ATP8A2: variants seen among roughly 807,000 people sequenced by gnomAD.
ATP8A2 encodes ATPase phospholipid transporting 8A2.
A neutral mutation model predicts 165.6 loss-of-function variants in ATP8A2; 100 were observed. That is an observed-to-expected ratio of 0.60 (90% CI 0.51 to 0.71). The LOEUF is 0.71. ATP8A2 is among the 30% of genes least tolerant of loss of function. The probability of loss-of-function intolerance (pLI) is 0.00; values close to 1 mark genes in which losing one functional copy is unlikely to be tolerated. For synonymous variants in ATP8A2, 543 were observed against 548.8 expected (o/e 0.99, Z 0.15); for missense variants, 1,227 against 1,479.5 (o/e 0.83, Z 2.80).
Position 25,372,090 on chromosome 13 carries a change from G to C in ATP8A2, c.-123G>C, listed in dbSNP as rs894802076. ...CCCGGCACAGGCGCCGGCGGTCCCC[G>C]CCAGCTAGCAGCCCGGCGAGGCGCT... On this transcript the variant is annotated 5_prime_UTR_variant, in exon 1 of 37. Coordinates refer to ENST00000381655, the MANE Select transcript of ATP8A2 (RefSeq NM_016529.6). The surrounding 1 kb of genome is among the most constrained non-coding windows in gnomAD (Gnocchi z 4.8). 4.5e-4 allele frequency: 289 copies of C among 635,450 alleles called. 2 individuals are homozygous for C. In the East Asian group the frequency reaches 0.011, roughly 24 times the overall value. The allele number at this position is 635,450 out of a possible 1,614,324, so 39.4% of individuals were successfully genotyped here. A position where few individuals can be genotyped will look rare whatever the true frequency, so the allele number is the denominator to read the frequency against.
At chr13:25,469,202 C>A (rs1402812504) in intron 2 of ATP8A2, 81 bp downstream of exon 2, 7 of 1,520,580 alleles carry the variant, frequency 4.6e-6, no homozygotes, top group Non-Finnish European at 4.4e-6. Flanking sequence ...CGGGGCTTGG[C>A]CGCGCACCTG....
intron 25 of ATP8A2, among the ~76,000 whole-genome samples, chr13:25,740,200 T>C (rs2043878455): frequency 6.6e-6 from 1 of 150,830 alleles, no homozygotes; most frequent in Non-Finnish European, 1.5e-5. Flanking sequence ...TCCCAGCTTC[T>C]CAGGAGGCTG....
chr13:25,920,130 T>C (rs1002488208), intron 33 of ATP8A2, among the ~76,000 whole-genome samples: 1 of 152,188 alleles, frequency 6.6e-6, no homozygotes, highest in Non-Finnish European at 1.5e-5. Flanking sequence ...TTAAAAACCC[T>C]TCTTCAGATT....
intron 24 of ATP8A2, among the ~76,000 whole-genome samples, chr13:25,599,020 A>T (rs2040310377): frequency 6.6e-6 from 1 of 150,484 alleles, no homozygotes; most frequent in Non-Finnish European, 1.5e-5. Context: ...CCAATCATGC[A>T]TGAGCCCTGG....
intron 25 of ATP8A2, among the ~76,000 whole-genome samples, chr13:25,757,855 C>T (rs919578271): frequency 1.3e-5 from 2 of 152,110 alleles, no homozygotes; most frequent in South Asian, 2.1e-4. Context: ...GTCTGGCTCA[C>T]TCTGGCCTTT....
chr13:25,910,763 T>C (rs1954081965), intron 33 of ATP8A2, among the ~76,000 whole-genome samples: 1 of 152,182 alleles, frequency 6.6e-6, no homozygotes, highest in South Asian at 2.1e-4. Flanking sequence ...ATTAATACAT[T>C]AATAACAATT....
intron 24 of ATP8A2, among the ~76,000 whole-genome samples, chr13:25,596,389 A>T (rs959415392): frequency 1.3e-5 from 2 of 152,230 alleles, no homozygotes; most frequent in African/African-American, 4.8e-5. Flanking sequence ...TAAGCATGTA[A>T]TCACCACCCC....
chr13:25,886,392 G>A (rs1454636046), intron 33 of ATP8A2, among the ~76,000 whole-genome samples: 1 of 152,204 alleles, frequency 6.6e-6, no homozygotes, highest in East Asian at 1.9e-4. Context: ...GTTTGACTGT[G>A]TGAGTTTTGT....
intron 1 of ATP8A2, among the ~76,000 whole-genome samples, chr13:25,430,477 A>T (rs779754679): frequency 2.6e-5 from 4 of 152,198 alleles, no homozygotes; most frequent in Non-Finnish European, 5.9e-5. Context: ...TCGGCAGAGC[A>T]ATTTCAGAAG....
intron 1 of ATP8A2, among the ~76,000 whole-genome samples, chr13:25,395,175 C>G (rs1465127421): frequency 6.6e-6 from 1 of 152,074 alleles, no homozygotes; most frequent in Non-Finnish European, 1.5e-5. Context: ...GCTCCTGAAC[C>G]TAGGATGGTA....
At chr13:25,946,267 C>A (rs948780888) in intron 33 of ATP8A2, among the ~76,000 whole-genome samples, 1 of 152,092 alleles carries the variant, frequency 6.6e-6, no homozygotes, top group Non-Finnish European at 1.5e-5. Flanking sequence ...ATGGCCATGT[C>A]CCCACGGGGA....
chr13:25,677,650 G>T (rs1025614362), intron 24 of ATP8A2, among the ~76,000 whole-genome samples: 1 of 152,136 alleles, frequency 6.6e-6, no homozygotes, highest in Non-Finnish European at 1.5e-5. Context: ...CTTGGTGAAG[G>T]GTAAGGTGAA....
chr13:25,894,981 C>T (rs1050977566), intron 33 of ATP8A2, among the ~76,000 whole-genome samples: 9 of 152,172 alleles, frequency 5.9e-5, no homozygotes, highest in African/African-American at 2.2e-4. Flanking sequence ...CATCTGCAAA[C>T]AGGGAGAATT....
chr13:25,804,749 A>G (rs12875444), intron 27 of ATP8A2, among the ~76,000 whole-genome samples: 30,573 of 152,032 alleles, frequency 0.2, 3,111 homozygotes, highest in Middle Eastern at 0.22. Context: ...CCGAGCTGCC[A>G]CAGGCTGGTT....
At chr13:25,458,026 T>C (rs2035409347) in intron 1 of ATP8A2, among the ~76,000 whole-genome samples, 1 of 152,216 alleles carries the variant, frequency 6.6e-6, no homozygotes, top group African/African-American at 2.4e-5. Flanking sequence ...CAGGACAGGA[T>C]AATTGGCATG....
chr13:25,649,679 G>C (rs2041764869), intron 24 of ATP8A2, among the ~76,000 whole-genome samples: 1 of 152,154 alleles, frequency 6.6e-6, no homozygotes, highest in South Asian at 2.1e-4. Context: ...ACTCCCAGGT[G>C]TGGCACAACT....
intron 2 of ATP8A2, among the ~76,000 whole-genome samples, chr13:25,524,823 T>C (rs748965160): frequency 6.6e-6 from 1 of 152,002 alleles, no homozygotes; most frequent in Non-Finnish European, 1.5e-5. Flanking sequence ...ACATGCAGTG[T>C]TATCATTGAT....
At position 25,941,585 on chromosome 13, in the gene ATP8A2, C is replaced by G. The variant is rs11842880; in HGVS notation, c.3184-19990C>G. Reference sequence around the variant, plus strand: ...CTCTGCTCTGCCCTAGAAGTATCTCCTCACCCGTCCCATCCTGACCAATTG... The same window carrying G: ...CTCTGCTCTGCCCTAGAAGTATCTCGTCACCCGTCCCATCCTGACCAATTG... On this transcript the variant is annotated intron_variant, in intron 33 of 36. Transcript: ENST00000381655. Among the ~76,000 whole-genome samples, 1,083 of 152,280 alleles carry G rather than the reference C, an allele frequency of 7.1e-3. 18 individuals are homozygous for G. The highest frequency in any genetic ancestry group is 0.025 in the African/African-American group (1,020 of 41,538).
chr13:25,451,673 G>A (rs1219573727), intron 1 of ATP8A2, among the ~76,000 whole-genome samples: 3 of 152,012 alleles, frequency 2.0e-5, no homozygotes, highest in African/African-American at 4.8e-5. Context: ...TACAGTACAG[G>A]TTGAGGGAGT....
Sources: gnomAD v4.1 joint callset for allele counts (sites outside exome capture counted in the v4.1 genomes callset) on GRCh38, gnomAD v4.1.1 for gene constraint, Gnocchi (gnomAD v3.1) non-coding constraint, MANE v1.5 for transcripts, NCBI Gene and HGNC (gene_info 2026-07-23, HGNC 2026-07-21) for gene names.